Variants in DRC11 observed in about 807,000 individuals in gnomAD.
DRC11 encodes the protein dynein regulatory complex subunit 11, also known as IQ and AAA domain-containing protein 1.
At chr2:236,443,979 A>ATTT in the DRC11 span, among the ~76,000 whole-genome samples, 6 of 139,884 alleles carry the variant, frequency 4.3e-5, no homozygotes, top group African/African-American at 1.0e-4. The surrounding 1 kb of genome is among the most constrained non-coding windows in gnomAD (Gnocchi z 4.4). Context: ...GGCCACATGA[A>ATTT]TTTTTTTTTT....
chr2:236,313,589 C>G, the DRC11 span, among the ~76,000 whole-genome samples: 2 of 152,162 alleles, frequency 1.3e-5, no homozygotes, highest in Non-Finnish European at 2.9e-5. This position sits in a 1 kb window ranked among gnomAD's most constrained non-coding sequence, Gnocchi z 4.5. Flanking sequence ...AAAACATATT[C>G]ACACAAAAAC....
At chr2:236,321,837 C>T in the DRC11 span, among the ~76,000 whole-genome samples, 17 of 152,210 alleles carry the variant, frequency 1.1e-4, no homozygotes, top group South Asian at 2.1e-4. Flanking sequence ...TAAGACATCT[C>T]GGGCACAGAG....
At chr2:236,408,323 C>A in the DRC11 span, 1 of 777,510 alleles carries the variant, frequency 1.3e-6, no homozygotes, top group South Asian at 1.3e-5. This position sits in a 1 kb window ranked among gnomAD's most constrained non-coding sequence, Gnocchi z 5.5. Context: ...ATCCAGGCCA[C>A]CTTGCGCAAG....
At chr2:236,445,689 T>C in the DRC11 span, among the ~76,000 whole-genome samples, 1 of 152,092 alleles carries the variant, frequency 6.6e-6, no homozygotes, top group Admixed American at 6.6e-5. This position sits in a 1 kb window ranked among gnomAD's most constrained non-coding sequence, Gnocchi z 4.8. Flanking sequence ...TGTTAGTTTA[T>C]ATAATTAGTC....
chr2:236,493,776 A>C, the DRC11 span: 1 of 1,599,058 alleles, frequency 6.3e-7, no homozygotes, highest in Non-Finnish European at 8.5e-7. Context: ...ACCATGTCAG[A>C]TGTATCTATT....
At chr2:236,357,664 A>G in the DRC11 span, among the ~76,000 whole-genome samples, 1 of 87,352 alleles carries the variant, frequency 1.1e-5, no homozygotes, top group African/African-American at 4.1e-5. Flanking sequence ...TATATTCATA[A>G]TACATAAATA....
chr2:236,401,810 T>C, the DRC11 span, among the ~76,000 whole-genome samples: 18 of 152,070 alleles, frequency 1.2e-4, 1 homozygote, highest in South Asian at 6.2e-4. This position sits in a 1 kb window ranked among gnomAD's most constrained non-coding sequence, Gnocchi z 4.6. Flanking sequence ...GGGGTCTCCT[T>C]GGGGTTGATG....
chr2:236,367,355 C>T, the DRC11 span, among the ~76,000 whole-genome samples: 1 of 149,716 alleles, frequency 6.7e-6, no homozygotes, highest in Non-Finnish European at 1.5e-5. This position sits in a 1 kb window ranked among gnomAD's most constrained non-coding sequence, Gnocchi z 4.8. Context: ...TTTACTACTT[C>T]TGACATCAAT....
the DRC11 span, among the ~76,000 whole-genome samples, chr2:236,487,564 T>TA: frequency 6.6e-6 from 1 of 152,172 alleles, no homozygotes; most frequent in Non-Finnish European, 1.5e-5. Context: ...AAGAAAACCT[T>TA]ACGGATTCCT....
the DRC11 span, among the ~76,000 whole-genome samples, chr2:236,470,353 A>G: frequency 1.3e-5 from 2 of 152,156 alleles, no homozygotes; most frequent in African/African-American, 4.8e-5. The surrounding 1 kb of genome is among the most constrained non-coding windows in gnomAD (Gnocchi z 5.1). Context: ...CAGGGTAGAC[A>G]TCTATTCCCA....
At chr2:236,492,967 C>A in the DRC11 span, among the ~76,000 whole-genome samples, 1 of 152,222 alleles carries the variant, frequency 6.6e-6, no homozygotes, top group Non-Finnish European at 1.5e-5. Context: ...ACAGTCCATT[C>A]AAGGTGATCC....
At chr2:236,474,976 G>C in the DRC11 span, among the ~76,000 whole-genome samples, 2 of 151,958 alleles carry the variant, frequency 1.3e-5, no homozygotes, top group African/African-American at 4.8e-5. Flanking sequence ...TTTATGCTGG[G>C]AACATTCAAA....
chr2:236,403,139 G>A, the DRC11 span, among the ~76,000 whole-genome samples: 1 of 151,982 alleles, frequency 6.6e-6, no homozygotes, highest in Non-Finnish European at 1.5e-5. Context: ...AGGAGGGGGA[G>A]GGGGAGGGCT....
the DRC11 span, among the ~76,000 whole-genome samples, chr2:236,491,133 A>G: frequency 2.6e-5 from 3 of 114,990 alleles, no homozygotes; most frequent in East Asian, 2.1e-4. Flanking sequence ...GTATATATAT[A>G]TATATACAGT....
the DRC11 span, among the ~76,000 whole-genome samples, chr2:236,308,098 G>A: frequency 3.3e-5 from 5 of 152,220 alleles, no homozygotes; most frequent in South Asian, 2.1e-4. The surrounding 1 kb of genome is among the most constrained non-coding windows in gnomAD (Gnocchi z 6.0). Flanking sequence ...TACAGACATC[G>A]TGCTGTGCTT....
chr2:236,487,090 A>T, the DRC11 span, among the ~76,000 whole-genome samples: 83 of 152,336 alleles, frequency 5.4e-4, no homozygotes, highest in African/African-American at 1.9e-3. Flanking sequence ...AAAAGAATGA[A>T]CCACAGAACT....
chr2:236,386,543 T>G, the DRC11 span, among the ~76,000 whole-genome samples: 1 of 152,164 alleles, frequency 6.6e-6, no homozygotes, highest in Non-Finnish European at 1.5e-5. Flanking sequence ...TCTATTTGAT[T>G]CTTCTCTCTT....
At chr2:236,501,389 TA>T in the DRC11 span, among the ~76,000 whole-genome samples, 1 of 152,128 alleles carries the variant, frequency 6.6e-6, no homozygotes, top group African/African-American at 2.4e-5. Context: ...TAGTGACTAA[TA>T]AACAATTACA....
the DRC11 span, among the ~76,000 whole-genome samples, chr2:236,329,678 G>C: frequency 6.6e-6 from 1 of 152,194 alleles, no homozygotes; most frequent in Non-Finnish European, 1.5e-5. Flanking sequence ...TAATGAATGT[G>C]TCCCTAAACA....
Sources: allele counts gnomAD v4.1 joint callset (sites outside exome capture counted in the v4.1 genomes callset), GRCh38; gene constraint gnomAD v4.1.1; non-coding constraint Gnocchi (gnomAD v3.1); transcripts MANE v1.5; gene names NCBI Gene and HGNC (gene_info 2026-07-23, HGNC 2026-07-21).